The following CHST3 variants were observed in gnomAD, a reference collection of about 807,000 sequenced individuals.
CHST3 encodes the protein carbohydrate sulfotransferase 3, also known as C6ST-1.
CHST3 carries 20 observed loss-of-function variants against 35.4 expected under a neutral mutation model. The ratio of observed to expected loss-of-function variants is 0.57; its 90% confidence interval spans 0.40 to 0.82. The LOEUF (loss-of-function observed/expected upper bound fraction) is 0.82, where lower values mean the gene tolerates loss of function less well. CHST3 is among the 40% of genes least tolerant of loss of function. The pLI is 0.00. For missense variants in CHST3, 693 were observed against 670.1 expected (o/e 1.03, Z -0.38); for synonymous variants, 334 against 295.9 (o/e 1.13, Z -1.32).
Position 72,005,847 on chromosome 10 carries a change from A to G in CHST3, c.5A>G (p.Glu2Gly). 2 of 1,614,178 alleles carry G rather than the reference A, an allele frequency of 1.2e-6. No homozygotes were observed. Among genetic ancestry groups the G allele is most frequent in the Middle Eastern group, 1.7e-4 (1 of 6,060 alleles). ...CCCACGGCCCCACCTTTCCCCATGG[A>G]GAAAGGACTCACTTTGCCCCAGGAC... M[E>G]KGLTLPQDCR... The change falls in exon 2 of 3, where the codon GAG becomes GGG. Residue 2 changes from glutamate to glycine, a missense_variant. By Grantham distance (98) the Glu-to-Gly change is moderately conservative. Coordinates refer to ENST00000373115, the MANE Select transcript of CHST3 (RefSeq NM_004273.5).
intron 1 of CHST3, 75 bp downstream of exon 1, chr10:71,964,769 C>T (rs1409026553): frequency 8.5e-5 from 13 of 152,184 alleles, no homozygotes; most frequent in African/African-American, 3.1e-4. Context: ...CCCCGCCTTC[C>T]GCGTCCAGGC....
Position 71,972,071 on chromosome 10 carries a change from C to T in CHST3, c.-108+7377C>T, listed in dbSNP as rs538902610. Among the ~76,000 whole-genome samples the T allele has an allele frequency of 3.9e-5, 6 of 152,282 alleles. No individual in the cohort carries two copies. The East Asian group carries it at 1.2e-3, about 29-fold the overall frequency. On this transcript the variant is annotated intron_variant, in intron 1 of 2. Coordinates refer to ENST00000373115, the MANE Select transcript of CHST3 (RefSeq NM_004273.5). ...AGCAGCTGGTGTGCCTAATACTGCC[C>T]TGAGCACCTACAAGGCGTCCTCACC...
At chr10:71,975,569 C>G (rs892070143) in intron 1 of CHST3, among the ~76,000 whole-genome samples, 4 of 152,240 alleles carry the variant, frequency 2.6e-5, no homozygotes, top group Non-Finnish European at 5.9e-5. Flanking sequence ...GCAAATCCCA[C>G]CCATGCGGCT....
intron 1 of CHST3, among the ~76,000 whole-genome samples, chr10:71,971,690 G>T (rs140562310): frequency 6.6e-6 from 1 of 152,278 alleles, no homozygotes; most frequent in African/African-American, 2.4e-5. Flanking sequence ...CCCCGTCCCC[G>T]CACTGTGACT....
At chr10:71,993,440 A>G (rs1226565741) in intron 1 of CHST3, among the ~76,000 whole-genome samples, 1 of 152,174 alleles carries the variant, frequency 6.6e-6, no homozygotes, top group Non-Finnish European at 1.5e-5. Flanking sequence ...AATCATCCAC[A>G]TGGATCCACT....
chr10:71,994,921 A>AAATTTTCTGCAGCTTCCT (rs1839926159), intron 1 of CHST3, among the ~76,000 whole-genome samples: 1 of 152,204 alleles, frequency 6.6e-6, no homozygotes, highest in Non-Finnish European at 1.5e-5. Flanking sequence ...AGCAGCTTCC[A>AAATTTTCTGCAGCTTCCT]AATTTTCTGC....
At chr10:72,004,609 CTCTCCACCTACCTGTCCACCTTCTA>C (rs1398034469) in intron 1 of CHST3, among the ~76,000 whole-genome samples, 2 of 152,214 alleles carry the variant, frequency 1.3e-5, no homozygotes, top group Non-Finnish European at 2.9e-5. Flanking sequence ...TCCACCTTCT[CTCTCCACCTACCTGTCCACCTTCTA>C]GATGCAGCCA....
In CHST3 at chr10:72,008,201, C is replaced by T. The variant is rs1312379440; in HGVS notation, c.1170C>T (p.Gly390=). Reference sequence around the variant, plus strand: ...CCCGCGAGATGTACCGCTTCGCCGGCATCCCCCTGACCCCGCAGGTGGAAG... The same window carrying T: ...CCCGCGAGATGTACCGCTTCGCCGGTATCCCCCTGACCCCGCAGGTGGAAG... ...QKAREMYRFA[G]IPLTPQVEDW... is the part of the protein sequence containing the mutation. The change falls in exon 3 of 3, where the codon GGC becomes GGT. Residue 390 remains glycine, a synonymous_variant. Transcript: ENST00000373115. 3 of 1,551,564 alleles carry T rather than the reference C, an allele frequency of 1.9e-6. No individual in the cohort carries two copies. The highest frequency in any genetic ancestry group is 2.6e-6 in the Non-Finnish European group (3 of 1,147,682).
chr10:71,976,848 A>G (rs1310262279), intron 1 of CHST3, among the ~76,000 whole-genome samples: 1 of 152,192 alleles, frequency 6.6e-6, no homozygotes, highest in Non-Finnish European at 1.5e-5. Context: ...ACCTACTTTT[A>G]TTTTGGTTTT....
At chr10:72,004,069 G>A (rs763554164) in intron 1 of CHST3, among the ~76,000 whole-genome samples, 8 of 151,902 alleles carry the variant, frequency 5.3e-5, no homozygotes, top group Non-Finnish European at 7.4e-5. Context: ...CCAGCTACTC[G>A]GGAGGCTGAG....
chr10:71,969,640 C>G (rs1343787687), intron 1 of CHST3, among the ~76,000 whole-genome samples: 1 of 152,236 alleles, frequency 6.6e-6, no homozygotes, highest in African/African-American at 2.4e-5. Context: ...CTCTCCCCCT[C>G]CACTGCAGAG....
chr10:71,976,157 G>A (rs1203404037), intron 1 of CHST3, among the ~76,000 whole-genome samples: 1 of 152,176 alleles, frequency 6.6e-6, no homozygotes, highest in African/African-American at 2.4e-5. Flanking sequence ...TAGGGTAGGA[G>A]AAAAGCTCTT....
intron 1 of CHST3, among the ~76,000 whole-genome samples, chr10:71,981,388 C>T (rs1218323972): frequency 1.3e-5 from 2 of 152,234 alleles, no homozygotes; most frequent in African/African-American, 4.8e-5. Flanking sequence ...CCTCGCAGCC[C>T]TCCAGAAGCC....
At chr10:71,967,416 G>A (rs772503424) in intron 1 of CHST3, among the ~76,000 whole-genome samples, 8 of 152,176 alleles carry the variant, frequency 5.3e-5, no homozygotes, top group Non-Finnish European at 7.3e-5. Context: ...CTAAGTGAGA[G>A]CATGGGGCAC....
rs992377260 is a variant in CHST3 at position 72,002,864 on chromosome 10, A to G, written c.-107-2872A>G. The stretch of plus-strand genomic sequence containing the variant: ...CACCAGCCTCACCATTGATTTTTGG[A>G]CAGCTGGTCTGTGCCAAGTGCCATT... On this transcript the variant is annotated intron_variant, in intron 1 of 2. Coordinates refer to ENST00000373115, the MANE Select transcript of CHST3 (RefSeq NM_004273.5). 8.5e-5 allele frequency among the ~76,000 whole-genome samples: 13 copies of G among 152,144 alleles called. No homozygotes were observed. In the East Asian group the frequency reaches 2.5e-3, roughly 29 times the overall value.
chr10:71,966,086 A>G (rs932674603), intron 1 of CHST3, among the ~76,000 whole-genome samples: 6 of 151,656 alleles, frequency 4.0e-5, no homozygotes, highest in African/African-American at 1.5e-4. Context: ...GGTTCCATCA[A>G]CCCTCCCATC....
At chr10:71,987,790 C>T (rs1267416479) in intron 1 of CHST3, among the ~76,000 whole-genome samples, 2 of 151,442 alleles carry the variant, frequency 1.3e-5, no homozygotes, top group Non-Finnish European at 2.9e-5. Context: ...AAATTCTCCT[C>T]TCTGTCCTGT....
chr10:71,968,774 T>G (rs1302725808), intron 1 of CHST3, among the ~76,000 whole-genome samples: 11 of 152,306 alleles, frequency 7.2e-5, no homozygotes, highest in Admixed American at 4.6e-4. Flanking sequence ...TGGAGCCTTC[T>G]GTGTGGCTCT....
intron 1 of CHST3, among the ~76,000 whole-genome samples, chr10:71,986,228 G>C (rs1391252254): frequency 6.6e-6 from 1 of 152,190 alleles, no homozygotes; most frequent in African/African-American, 2.4e-5. Flanking sequence ...TAGTGAAGTT[G>C]GGTGCTCTAA....
Sources: gnomAD v4.1 joint callset for allele counts (sites outside exome capture counted in the v4.1 genomes callset) on GRCh38, gnomAD v4.1.1 for gene constraint, MANE v1.5 for transcripts, NCBI Gene and HGNC (gene_info 2026-07-23, HGNC 2026-07-21) for gene names.